Variants in GSTCD observed in about 807,000 individuals in gnomAD.
The protein encoded by GSTCD is glutathione S-transferase C-terminal domain containing.
Under a neutral mutation model 68.3 loss-of-function variants are expected in GSTCD, and 44 were observed. The ratio of observed to expected loss-of-function variants is 0.64; its 90% CI spans 0.51 to 0.83. The LOEUF (loss-of-function observed/expected upper bound fraction) is 0.83. Among genes scored for constraint, GSTCD ranks in the 40% least tolerant of loss-of-function variants. The probability of loss-of-function intolerance (pLI) is 0.00; values close to 1 mark genes in which losing one functional copy is unlikely to be tolerated. For missense variants in GSTCD, 739 were observed against 735.9 expected (o/e 1.00, Z -0.05); for synonymous variants, 273 against 255.2 (o/e 1.07, Z -0.67).
chr4:105,825,100 A>G (rs1318300885), intron 7 of GSTCD, among the ~76,000 whole-genome samples: 1 of 149,698 alleles, frequency 6.7e-6, no homozygotes, highest in African/African-American at 2.5e-5. Flanking sequence ...TGGTTGGTTG[A>G]TTGGTTGGTT....
rs1732789055 is a variant in GSTCD, at chr4:105,719,385, A to G, written c.752A>G (p.Glu251Gly). Residue 251 changes from glutamate (E) to glycine (G), a missense_variant, in exon 3 of 12, where the codon GAA becomes GGA. Transcript: ENST00000515279. The part of the protein sequence containing the change: ...VAFSKLTVQE[E>G]PATTNREPSH... ...TTCTCAAAGCTCACAGTACAGGAAG[A>G]ACCAGCTACTACCAACAGAGAGCCT... The G allele has an allele frequency of 1.9e-6, 3 of 1,614,126 alleles. No homozygotes were observed. The highest frequency in any genetic ancestry group is 2.5e-6 in the Non-Finnish European group (3 of 1,179,980).
intron 5 of GSTCD, among the ~76,000 whole-genome samples, chr4:105,773,490 A>G (rs145094926): frequency 0.054 from 8,187 of 152,092 alleles, 253 homozygotes; most frequent in Middle Eastern, 0.14. Context: ...TCTCCTGTGG[A>G]CATTTAGTGC....
chr4:105,757,884 T>G (rs1417195865), intron 5 of GSTCD, among the ~76,000 whole-genome samples: 1 of 152,176 alleles, frequency 6.6e-6, no homozygotes, highest in Non-Finnish European at 1.5e-5. Flanking sequence ...TTCCTCCTTT[T>G]TAAAAAGCAG....
At chr4:105,710,267 C>A (rs373526628) in intron 1 of GSTCD, among the ~76,000 whole-genome samples, 8 of 118,652 alleles carry the variant, frequency 6.7e-5, no homozygotes, top group African/African-American at 3.1e-4. Context: ...AGCTGGAGTC[C>A]TGCTCTGTCG....
rs201602122 is a variant in GSTCD at position 105,794,889 on chromosome 4, A to ATCTATCTATCTATCTG, written c.1241-28060_1241-28059insCTATCTATCTGTCTAT. On this transcript the variant is annotated intron_variant, in intron 5 of 11. Coordinates refer to ENST00000515279, the MANE Select transcript of GSTCD (RefSeq NM_001370181.1). ...TATCTATCTATCTATCTATCTATCT[A>ATCTATCTATCTATCTG]TCTATGAGACAGAGTCTCACTCTGT... Among the ~76,000 whole-genome samples, 12 of 140,636 alleles carry ATCTATCTATCTATCTG rather than the reference A, an allele frequency of 8.5e-5. 1 individual carries two copies. The highest frequency in any genetic ancestry group is 6.2e-4 in the East Asian group (3 of 4,828). The allele number at this position is 140,636 out of a possible 152,430, so 92.3% of individuals were successfully genotyped here.
intron 1 of GSTCD, chr4:105,710,665 A>G (rs1427287316): frequency 6.6e-6 from 1 of 152,220 alleles, no homozygotes; most frequent in East Asian, 1.9e-4. Flanking sequence ...TATTGAAACC[A>G]TTTAGATTAA....
In GSTCD at chr4:105,717,948, T is replaced by A; in HGVS notation, c.335T>A (p.Ile112Lys). The A allele has an allele frequency of 6.2e-7, 1 of 1,614,060 alleles. No individual in the cohort carries two copies. The highest frequency in any genetic ancestry group is 8.5e-7 in the Non-Finnish European group (1 of 1,179,940). The change falls in exon 2 of 12, where the codon ATA (isoleucine) becomes AAA (lysine). Residue 112 changes from isoleucine (I) to lysine (K), a missense_variant. Transcript: ENST00000515279. ...GGACTTGCTGTTGTATTGAGACACA[T>A]AATCCAGAAATCCTATGAAGCAGAC... ...RAGLAVVLRH[I>K]IQKSYEADPL... is the part of the protein sequence containing the mutation.
intron 5 of GSTCD, among the ~76,000 whole-genome samples, chr4:105,740,960 C>T (rs71599067): frequency 7.9e-5 from 12 of 151,774 alleles, no homozygotes; most frequent in Non-Finnish European, 1.0e-4. Flanking sequence ...CTGAGAAACC[C>T]GCCTAGACAT....
chr4:105,822,939 T>C lies in GSTCD; in HGVS notation c.1241-15T>C. ...TATATAATGTTTTGTGTTCTTCATT[T>C]CTTGTCTTTCTCAGGTAAAATGTCC... On this transcript the variant is annotated splice_polypyrimidine_tract_variant and intron_variant, in intron 5 of 11. Transcript: ENST00000515279. 6 of 1,579,066 alleles carry C rather than the reference T, an allele frequency of 3.8e-6. No individual in the cohort carries two copies. The highest frequency in any genetic ancestry group is 5.2e-6 in the Non-Finnish European group (6 of 1,150,116).
rs754785260 is a variant in GSTCD at position 105,842,119 on chromosome 4, C to G, written c.1750C>G (p.Gln584Glu). The change falls in exon 11 of 12, where the codon CAA becomes GAA. Residue 584 changes from glutamine (Q) to glutamate (E), a missense_variant. By Grantham distance (29) the Gln-to-Glu change is conservative. Coordinates refer to ENST00000515279, the MANE Select transcript of GSTCD (RefSeq NM_001370181.1). ...ADQTAVQLPP[Q>E]RRLIGKQCMC... Reference sequence around the variant, plus strand: ...CCAGACAGCTGTCCAGCTCCCACCCCAACGAAGGCTCATAGGTATGTGTTT... The same window carrying G: ...CCAGACAGCTGTCCAGCTCCCACCCGAACGAAGGCTCATAGGTATGTGTTT... 2 of 1,613,698 alleles carry G rather than the reference C, an allele frequency of 1.2e-6. No individual in the cohort carries two copies. The highest frequency in any genetic ancestry group is 1.7e-6 in the Non-Finnish European group (2 of 1,179,642).
chr4:105,763,677 A>G (rs1361757993), intron 5 of GSTCD, among the ~76,000 whole-genome samples: 1 of 152,166 alleles, frequency 6.6e-6, no homozygotes, highest in Non-Finnish European at 1.5e-5. Context: ...TAAACATAAC[A>G]CAGTTATTCT....
At chr4:105,835,541 G>A (rs1009088084) in intron 9 of GSTCD, among the ~76,000 whole-genome samples, 1 of 152,008 alleles carries the variant, frequency 6.6e-6, no homozygotes, top group African/African-American at 2.4e-5. Flanking sequence ...GCTTGGAAAC[G>A]CCAGGAGCCA....
intron 10 of GSTCD, chr4:105,840,213 AT>A (rs1290057347): frequency 6.6e-6 from 3 of 455,818 alleles, no homozygotes; most frequent in African/African-American, 6.0e-5. Context: ...TTGCCTTGAC[AT>A]TACCATTATA....
At position 105,719,215 on chromosome 4, in the gene GSTCD, A is replaced by G; in HGVS notation, c.582A>G (p.Lys194=). ...SEPVRVHNDD[K]LRRQKLKQQK... is the part of the protein sequence containing the mutation. ...CTGTTAGAGTGCATAATGATGATAA[A>G]CTCCGCAGGCAGAAGCTCAAGCAAC... The change falls in exon 3 of 12, where the codon AAA becomes AAG. Residue 194 remains lysine (K), a synonymous_variant. Transcript: ENST00000515279. 1 of 1,613,890 alleles carries G rather than the reference A, an allele frequency of 6.2e-7. No homozygotes were observed. Among genetic ancestry groups the G allele is most frequent in the Non-Finnish European group, 8.5e-7 (1 of 1,179,962 alleles).
At chr4:105,773,144 T>C (rs1359056201) in intron 5 of GSTCD, among the ~76,000 whole-genome samples, 1 of 152,230 alleles carries the variant, frequency 6.6e-6, no homozygotes, top group Non-Finnish European at 1.5e-5. Context: ...TTTATTTGTA[T>C]AGAGGTGTTC....
intron 3 of GSTCD, among the ~76,000 whole-genome samples, chr4:105,720,469 G>A (rs1732826151): frequency 6.6e-6 from 1 of 152,136 alleles, no homozygotes; most frequent in African/African-American, 2.4e-5. Context: ...GAAAATCTAT[G>A]TATTTGAAGG....
At position 105,817,584 on chromosome 4, in the gene GSTCD, T is replaced by C. The variant is rs543230912; in HGVS notation, c.1241-5370T>C. 1.1e-4 allele frequency among the ~76,000 whole-genome samples: 17 copies of C among 151,954 alleles called. No homozygotes were observed. The East Asian group carries it at 3.1e-3, about 28-fold the overall frequency. On this transcript the variant is annotated intron_variant, in intron 5 of 11. Coordinates refer to ENST00000515279, the MANE Select transcript of GSTCD (RefSeq NM_001370181.1). ...GAGGATTAGTGATAGTAGCCTCCAA[T>C]TGGCTTTAAAAATGTAAAATTAAAA...
chr4:105,714,015 A>G (rs1578403039), intron 1 of GSTCD, among the ~76,000 whole-genome samples: 2 of 151,304 alleles, frequency 1.3e-5, no homozygotes, highest in African/African-American at 4.8e-5. Flanking sequence ...TATTCATTAG[A>G]ATGAAAGTGA....
Position 105,708,835 on chromosome 4 carries a change from T to A in GSTCD, c.-203T>A, listed in dbSNP as rs958915743. On this transcript the variant is annotated 5_prime_UTR_variant, in exon 1 of 12. Coordinates refer to ENST00000515279, the MANE Select transcript of GSTCD (RefSeq NM_001370181.1). ...GATTATGAATGACGGCCGGCGCGAG[T>A]ATTTTCCACATAAGGTGGCTGTCGT... 5 of 153,774 alleles carry A rather than the reference T, an allele frequency of 3.3e-5. No individual in the cohort carries two copies. The highest frequency in any genetic ancestry group is 5.8e-5 in the Non-Finnish European group (4 of 69,218). The allele number at this position is 153,774 out of a possible 1,614,324, so 9.5% of individuals were successfully genotyped here.
Sources: gnomAD v4.1 joint callset for allele counts (sites outside exome capture counted in the v4.1 genomes callset) on GRCh38, gnomAD v4.1.1 for gene constraint, MANE v1.5 for transcripts, NCBI Gene and HGNC (gene_info 2026-07-23, HGNC 2026-07-21) for gene names.